Variants in NRG3 observed in about 807,000 individuals in gnomAD.
NRG3 encodes pro-neuregulin-3, membrane-bound isoform.
NRG3 carries 31 observed loss-of-function variants against 66.9 expected under a neutral mutation model. The observed-to-expected ratio is 0.46, with a 90% confidence interval of 0.35 to 0.63. The LOEUF (loss-of-function observed/expected upper bound fraction) is 0.63. NRG3 is among the 20% of genes least tolerant of loss of function. The probability of loss-of-function intolerance (pLI) is 0.00; values close to 1 mark genes in which losing one functional copy is unlikely to be tolerated. For synonymous variants in NRG3, 393 were observed against 359.4 expected (o/e 1.09, Z -1.06); for missense variants, 910 against 878.9 (o/e 1.04, Z -0.45).
intron 3 of NRG3, among the ~76,000 whole-genome samples, chr10:82,775,288 G>A (rs117452533): frequency 0.047 from 7,079 of 150,704 alleles, 233 homozygotes; most frequent in Non-Finnish European, 0.069. Flanking sequence ...TATCCCATAG[G>A]TTTTTATATG....
intron 1 of NRG3, among the ~76,000 whole-genome samples, chr10:82,155,189 T>C (rs1464583760): frequency 6.6e-6 from 1 of 151,712 alleles, no homozygotes; most frequent in Non-Finnish European, 1.5e-5. Context: ...ATTAGCTAGT[T>C]TCCCAATCAG....
intron 1 of NRG3, among the ~76,000 whole-genome samples, chr10:82,305,687 A>G (rs1254810753): frequency 6.6e-6 from 1 of 151,978 alleles, no homozygotes; most frequent in Non-Finnish European, 1.5e-5. Flanking sequence ...TCCTATAGGT[A>G]TTATTATTTT....
chr10:82,513,230 G>C (rs527517375), intron 2 of NRG3, among the ~76,000 whole-genome samples: 1 of 152,250 alleles, frequency 6.6e-6, no homozygotes, highest in Admixed American at 6.5e-5. Flanking sequence ...TTCTGCATTA[G>C]TTTGCTGAGG....
intron 1 of NRG3, among the ~76,000 whole-genome samples, chr10:81,903,941 A>C (rs887215081): frequency 6.6e-6 from 1 of 151,730 alleles, no homozygotes; most frequent in Non-Finnish European, 1.5e-5. Flanking sequence ...CATGGTAAAC[A>C]TGTATATATC....
At chr10:82,902,497 A>G (rs1020779798) in intron 4 of NRG3, among the ~76,000 whole-genome samples, 2 of 152,060 alleles carry the variant, frequency 1.3e-5, no homozygotes, top group African/African-American at 2.4e-5. Context: ...TCTTAGCCAT[A>G]AAAAAGGAAA....
At chr10:82,972,016 G>C (rs1269626508) in intron 6 of NRG3, among the ~76,000 whole-genome samples, 1 of 152,038 alleles carries the variant, frequency 6.6e-6, no homozygotes, top group Non-Finnish European at 1.5e-5. Flanking sequence ...TTCAGTGTAT[G>C]AATCTGTCTT....
At chr10:82,559,625 C>A (rs530929306) in intron 2 of NRG3, among the ~76,000 whole-genome samples, 1 of 152,306 alleles carries the variant, frequency 6.6e-6, no homozygotes, top group East Asian at 1.9e-4. Flanking sequence ...TACAGCAGAT[C>A]TGAGCAGCAT....
chr10:82,438,057 C>T (rs1332463900), intron 2 of NRG3, among the ~76,000 whole-genome samples: 2 of 152,166 alleles, frequency 1.3e-5, no homozygotes, highest in Non-Finnish European at 2.9e-5. Context: ...ACCCATTTTA[C>T]AAAACACTTT....
chr10:82,446,766 C>T (rs911372341), intron 2 of NRG3, among the ~76,000 whole-genome samples: 5 of 152,162 alleles, frequency 3.3e-5, no homozygotes, highest in African/African-American at 1.2e-4. Flanking sequence ...CAAACCTGCA[C>T]ATCCTGCGCA....
intron 3 of NRG3, among the ~76,000 whole-genome samples, chr10:82,787,385 C>T (rs981488309): frequency 3.3e-5 from 5 of 152,002 alleles, no homozygotes; most frequent in African/African-American, 9.7e-5. Flanking sequence ...AAACTCTAGG[C>T]GATCATATCA....
At chr10:82,502,604 AG>A (rs1372770572) in intron 2 of NRG3, among the ~76,000 whole-genome samples, 2 of 152,218 alleles carry the variant, frequency 1.3e-5, no homozygotes, top group Non-Finnish European at 2.9e-5. Context: ...AACCGAAGTC[AG>A]GAAATATAAA....
rs398014296 is a variant in NRG3, at chr10:82,223,642, A to AACACACACACACAC, written c.824-135069_824-135056dup. On this transcript the variant is annotated intron_variant, in intron 1 of 8. Coordinates refer to ENST00000372141, the MANE Select transcript of NRG3 (RefSeq NM_001010848.4). ...TAGTAATATTCCAGCAACCACCCCAAACACACACACACACACACACACACA... is the reference window on the plus strand; with the variant it reads ...TAGTAATATTCCAGCAACCACCCCAAACACACACACACACACACACACACACACACACACACACA... Among the ~76,000 whole-genome samples, 335 of 138,000 alleles carry AACACACACACACAC rather than the reference A, an allele frequency of 2.4e-3. 3 individuals are homozygous for AACACACACACACAC. Among genetic ancestry groups the AACACACACACACAC allele is most frequent in the African/African-American group, 7.4e-3 (265 of 36,000 alleles). The allele number at this position is 138,000 out of a possible 152,430, so 90.5% of individuals were successfully genotyped here.
chr10:82,776,969 G>T (rs767959867), intron 3 of NRG3, among the ~76,000 whole-genome samples: 15 of 152,080 alleles, frequency 9.9e-5, no homozygotes, highest in Non-Finnish European at 1.6e-4. Flanking sequence ...CTTTGGTGGT[G>T]TCATGTTCCC....
intron 3 of NRG3, among the ~76,000 whole-genome samples, chr10:82,748,915 A>G (rs1416153953): frequency 2.0e-5 from 3 of 152,126 alleles, no homozygotes; most frequent in Non-Finnish European, 4.4e-5. Context: ...ATAGAACATG[A>G]AGAAGCAGTT....
chr10:81,931,948 C>CGTGTATA (rs1220825263), intron 1 of NRG3, among the ~76,000 whole-genome samples: 1 of 152,104 alleles, frequency 6.6e-6, no homozygotes, highest in Non-Finnish European at 1.5e-5. Flanking sequence ...GGATAAGGCA[C>CGTGTATA]GTGTATAAGC....
chr10:82,670,722 A>C (rs1034864045), intron 2 of NRG3, among the ~76,000 whole-genome samples: 3 of 152,154 alleles, frequency 2.0e-5, no homozygotes, highest in Non-Finnish European at 4.4e-5. Context: ...GCTCTCTTCA[A>C]GAAAAAAAAC....
In NRG3 at chr10:82,973,769, T is replaced by C; in HGVS notation, c.1285-19T>C. On this transcript the variant is annotated intron_variant, in intron 6 of 8. Coordinates refer to ENST00000372141, the MANE Select transcript of NRG3 (RefSeq NM_001010848.4). Reference sequence around the variant, plus strand: ...TAATGTATCCTTCGTCTCAACTCTGTACGTGTGATTTCCCACAGTATTCAA... The same window carrying C: ...TAATGTATCCTTCGTCTCAACTCTGCACGTGTGATTTCCCACAGTATTCAA... 1 of 1,613,828 alleles carries C rather than the reference T, an allele frequency of 6.2e-7. No individual in the cohort carries two copies. The highest frequency in any genetic ancestry group is 8.5e-7 in the Non-Finnish European group (1 of 1,179,714).
intron 3 of NRG3, among the ~76,000 whole-genome samples, chr10:82,862,088 A>G (rs2064157750): frequency 6.6e-6 from 1 of 152,172 alleles, no homozygotes; most frequent in Admixed American, 6.5e-5. Flanking sequence ...TCCTGTGTGT[A>G]AAGCTCAGTG....
At chr10:82,888,154 A>G (rs1361736761) in intron 4 of NRG3, among the ~76,000 whole-genome samples, 2 of 152,338 alleles carry the variant, frequency 1.3e-5, no homozygotes, top group East Asian at 3.9e-4. Flanking sequence ...AATTGTGGAA[A>G]AGCATAGACT....
Sources: gnomAD v4.1 joint callset for allele counts (sites outside exome capture counted in the v4.1 genomes callset) on GRCh38, gnomAD v4.1.1 for gene constraint, MANE v1.5 for transcripts, NCBI Gene and HGNC (gene_info 2026-07-23, HGNC 2026-07-21) for gene names.